The following SUGCT variants were observed in gnomAD, a reference collection of about 807,000 sequenced individuals.
SUGCT encodes succinyl-CoA:glutarate CoA-transferase.
Under a neutral mutation model 55.0 loss-of-function variants are expected in SUGCT, and 41 were observed. That is an observed-to-expected ratio of 0.74 (90% confidence interval 0.58 to 0.97). SUGCT has a LOEUF of 0.97. Ranked by LOEUF, SUGCT falls within the 50% of genes least tolerant of loss-of-function variation. The pLI, the probability that SUGCT is intolerant of heterozygous loss-of-function variation, is 0.00. For missense variants in SUGCT, 568 were observed against 547.8 expected (o/e 1.04, Z -0.37); for synonymous variants, 187 against 200.4 (o/e 0.93, Z 0.56).
chr7:40,890,888 C>T, the SUGCT span, among the ~76,000 whole-genome samples: 1 of 152,026 alleles, frequency 6.6e-6, no homozygotes, highest in Non-Finnish European at 1.5e-5. Flanking sequence ...CAGTGAGATA[C>T]AAATGAATAC....
downstream of SUGCT, among the ~76,000 whole-genome samples, chr7:40,865,439 G>C (rs1003932884): frequency 1.3e-5 from 2 of 152,024 alleles, no homozygotes; most frequent in East Asian, 3.9e-4. Flanking sequence ...GAAATGAAAG[G>C]GTACTCCAAA....
chr7:40,449,486 T>C, intron 10 of SUGCT, 128 bp downstream of exon 10: 1 of 679,280 alleles, frequency 1.5e-6, no homozygotes, highest in Non-Finnish European at 2.7e-6. Context: ...TTCATGCGCA[T>C]AAAGGATAAG....
intron 9 of SUGCT, among the ~76,000 whole-genome samples, chr7:40,413,342 C>T (rs140004712): frequency 6.6e-6 from 1 of 152,240 alleles, no homozygotes; most frequent in East Asian, 1.9e-4. Flanking sequence ...TGTCTGGCCT[C>T]CTTCCTGGAG....
chr7:40,336,908 A>T (rs1796743105), intron 9 of SUGCT, among the ~76,000 whole-genome samples: 1 of 152,198 alleles, frequency 6.6e-6, no homozygotes, highest in Non-Finnish European at 1.5e-5. Context: ...TTCCCTCTAC[A>T]CACAGCTTTA....
intron 13 of SUGCT, among the ~76,000 whole-genome samples, chr7:40,817,977 A>C (rs1791763974): frequency 6.6e-6 from 1 of 152,220 alleles, no homozygotes; most frequent in Non-Finnish European, 1.5e-5. Flanking sequence ...TTCTCTTGAC[A>C]AAGAAATCAA....
intron 9 of SUGCT, among the ~76,000 whole-genome samples, chr7:40,324,590 C>T (rs534967249): frequency 7.2e-5 from 11 of 152,202 alleles, no homozygotes; most frequent in Admixed American, 5.9e-4. Flanking sequence ...GCCCACCAAC[C>T]TTTCTTTGAT....
intron 1 of SUGCT, among the ~76,000 whole-genome samples, chr7:40,174,909 C>T (rs775157411): frequency 2.6e-4 from 39 of 151,982 alleles, no homozygotes; most frequent in Admixed American, 8.5e-4. Context: ...CCCACTTTTG[C>T]GAGTATTGAA....
chr7:40,955,201 A>T, the SUGCT span, among the ~76,000 whole-genome samples: 1 of 152,150 alleles, frequency 6.6e-6, no homozygotes, highest in Non-Finnish European at 1.5e-5. Flanking sequence ...TGATGGGAAA[A>T]GCATTGCATC....
intron 12 of SUGCT, among the ~76,000 whole-genome samples, chr7:40,512,832 G>T (rs151066872): frequency 1.1e-4 from 16 of 152,254 alleles, no homozygotes; most frequent in Non-Finnish European, 7.4e-5. Context: ...GAGAGATAGT[G>T]AGATGAGAAT....
rs1797652739 is a variant in SUGCT at position 40,590,465 on chromosome 7, G to A, written c.1089+94079G>A. The stretch of plus-strand genomic sequence containing the variant: ...TGTGAATGTAAAGGAAGGAAGTAAA[G>A]GAAAGAAGCCATCTTCATAACATAA... On this transcript the variant is annotated intron_variant, in intron 12 of 13. Transcript: ENST00000335693. 2.0e-5 allele frequency among the ~76,000 whole-genome samples: 3 copies of A among 152,178 alleles called. No individual in the cohort carries two copies. In the South Asian group the frequency reaches 6.2e-4, roughly 32 times the overall value.
chr7:40,585,461 A>G (rs1389474294), intron 12 of SUGCT, among the ~76,000 whole-genome samples: 2 of 152,220 alleles, frequency 1.3e-5, no homozygotes, highest in Non-Finnish European at 2.9e-5. Flanking sequence ...AGCTTGAGAC[A>G]AATCTAGGAA....
At chr7:40,974,050 A>G in the SUGCT span, among the ~76,000 whole-genome samples, 1 of 152,354 alleles carries the variant, frequency 6.6e-6, no homozygotes, top group East Asian at 1.9e-4. Flanking sequence ...TTTCAGAGAA[A>G]GAATTCTGGC....
chr7:40,528,304 T>G (rs1412876385), intron 12 of SUGCT, among the ~76,000 whole-genome samples: 2 of 152,180 alleles, frequency 1.3e-5, no homozygotes, highest in African/African-American at 4.8e-5. Context: ...ACAACCTCCA[T>G]GTAGATTGAT....
At chr7:40,870,754 T>C in the SUGCT span, among the ~76,000 whole-genome samples, 1 of 152,254 alleles carries the variant, frequency 6.6e-6, no homozygotes, top group African/African-American at 2.4e-5. Context: ...GTAATTCTAT[T>C]GTAAGAGTTG....
intron 12 of SUGCT, among the ~76,000 whole-genome samples, chr7:40,624,158 C>T (rs937142778): frequency 6.6e-6 from 1 of 152,158 alleles, no homozygotes; most frequent in Admixed American, 6.5e-5. Flanking sequence ...CACTTCCCTC[C>T]ATCTCCTCCC....
intron 12 of SUGCT, among the ~76,000 whole-genome samples, chr7:40,501,205 T>C (rs1440312332): frequency 6.6e-6 from 1 of 152,204 alleles, no homozygotes; most frequent in African/African-American, 2.4e-5. Flanking sequence ...ATTCAACTGA[T>C]GTACAAATTT....
Position 40,362,252 on chromosome 7 carries a change from C to G in SUGCT, c.816+45397C>G, listed in dbSNP as rs553330445. 2.0e-5 allele frequency among the ~76,000 whole-genome samples: 3 copies of G among 152,164 alleles called. No homozygotes were observed. The East Asian group carries it at 5.8e-4, about 30-fold the overall frequency. On this transcript the variant is annotated intron_variant, in intron 9 of 13. Coordinates refer to ENST00000335693, the MANE Select transcript of SUGCT (RefSeq NM_001193313.2). ...TGACCAACATGGCAAATCCCTGTCTCTACTAAAAATACAAAAATTAGCTGG... is the reference window on the plus strand; with the variant it reads ...TGACCAACATGGCAAATCCCTGTCTGTACTAAAAATACAAAAATTAGCTGG...
At chr7:40,866,323 T>C in the SUGCT span, among the ~76,000 whole-genome samples, 4 of 152,040 alleles carry the variant, frequency 2.6e-5, no homozygotes, top group African/African-American at 9.7e-5. Flanking sequence ...TGTTTTTAGA[T>C]TTTACAAAAA....
At chr7:40,789,130 G>A (rs999145598) in intron 13 of SUGCT, among the ~76,000 whole-genome samples, 10 of 152,094 alleles carry the variant, frequency 6.6e-5, no homozygotes, top group East Asian at 1.9e-4. Context: ...AAAACTTACC[G>A]TGAGATTTAC....
Sources: gnomAD v4.1 joint callset for allele counts (sites outside exome capture counted in the v4.1 genomes callset) on GRCh38, gnomAD v4.1.1 for gene constraint, MANE v1.5 for transcripts, NCBI Gene and HGNC (gene_info 2026-07-23, HGNC 2026-07-21) for gene names.